The following PELI2 variants were observed in gnomAD, a reference collection of about 807,000 sequenced individuals.
The protein encoded by PELI2 is E3 ubiquitin-protein ligase pellino homolog 2.
Under a neutral mutation model 42.3 loss-of-function variants are expected in PELI2, and 23 were observed. The ratio of observed to expected loss-of-function variants is 0.54; its 90% confidence interval spans 0.39 to 0.77. The LOEUF (loss-of-function observed/expected upper bound fraction) is 0.77, where lower values mean the gene tolerates loss of function less well. Among genes scored for constraint, PELI2 ranks in the 30% least tolerant of loss-of-function variants. The probability of loss-of-function intolerance (pLI) is 0.00; values close to 1 mark genes in which losing one functional copy is unlikely to be tolerated. For synonymous variants in PELI2, 245 were observed against 212.2 expected (o/e 1.15, Z -1.34); for missense variants, 463 against 553.2 (o/e 0.84, Z 1.64).
intron 2 of PELI2, among the ~76,000 whole-genome samples, chr14:56,221,460 A>G (rs1257940149): frequency 1.3e-5 from 2 of 152,210 alleles, no homozygotes. Flanking sequence ...AGTGCTCAGG[A>G]ATAATTGTTT....
intron 2 of PELI2, among the ~76,000 whole-genome samples, chr14:56,246,512 G>A (rs113778954): frequency 0.016 from 2,384 of 152,062 alleles, 66 homozygotes; most frequent in African/African-American, 0.055. Context: ...TGGCCTCTCC[G>A]AGCCTCTGCA....
At chr14:56,295,911 C>T (rs1012359754) in intron 5 of PELI2, among the ~76,000 whole-genome samples, 1 of 152,232 alleles carries the variant, frequency 6.6e-6, no homozygotes. Context: ...GCCTTTGGTA[C>T]CTCCAAGGCT....
chr14:56,240,786 T>G (rs926806120), intron 2 of PELI2, among the ~76,000 whole-genome samples: 4 of 152,110 alleles, frequency 2.6e-5, no homozygotes, highest in African/African-American at 9.7e-5. Context: ...CAAGGCAGAG[T>G]AGCTGTGGGG....
chr14:56,263,024 T>C (rs1055933549), intron 2 of PELI2, among the ~76,000 whole-genome samples: 1 of 152,208 alleles, frequency 6.6e-6, no homozygotes, highest in African/African-American at 2.4e-5. Flanking sequence ...TGGCGTGATC[T>C]TGGCTCACTG....
intron 2 of PELI2, among the ~76,000 whole-genome samples, chr14:56,205,029 C>CAAA (rs35776509): frequency 3.3e-5 from 3 of 91,170 alleles, no homozygotes; most frequent in Non-Finnish European, 4.1e-5. Context: ...GACTCCCTGT[C>CAAA]AAAAAAAAAA....
intron 2 of PELI2, among the ~76,000 whole-genome samples, chr14:56,259,039 A>G (rs1384818390): frequency 2.6e-5 from 4 of 152,166 alleles, no homozygotes; most frequent in African/African-American, 7.2e-5. Context: ...TCAGAAGACC[A>G]TGGACCAACA....
At chr14:56,181,240 C>T (rs1885567196) in intron 2 of PELI2, among the ~76,000 whole-genome samples, 2 of 152,032 alleles carry the variant, frequency 1.3e-5, no homozygotes, top group Admixed American at 1.3e-4. Flanking sequence ...TTGGCCTCTC[C>T]AGGTATATCT....
At chr14:56,295,876 G>A (rs1416545055) in intron 5 of PELI2, among the ~76,000 whole-genome samples, 1 of 152,238 alleles carries the variant, frequency 6.6e-6, no homozygotes, top group Admixed American at 6.5e-5. Flanking sequence ...GCAAGTCTCA[G>A]CAGGATGGGG....
intron 3 of PELI2, among the ~76,000 whole-genome samples, chr14:56,280,719 G>A (rs1449700153): frequency 6.6e-6 from 1 of 152,084 alleles, no homozygotes; most frequent in East Asian, 1.9e-4. Context: ...TTGGAATAGG[G>A]AAGGATCAAT....
intron 2 of PELI2, among the ~76,000 whole-genome samples, chr14:56,211,265 G>T (rs1342096320): frequency 1.3e-5 from 2 of 152,152 alleles, no homozygotes; most frequent in Admixed American, 6.5e-5. Context: ...GTTGCTGGCT[G>T]GCTCAGGCCA....
intron 1 of PELI2, among the ~76,000 whole-genome samples, chr14:56,170,787 C>T (rs1346423822): frequency 6.6e-6 from 1 of 152,182 alleles, no homozygotes; most frequent in African/African-American, 2.4e-5. Flanking sequence ...TTATTCTTTG[C>T]AGCTCCCAAA....
chr14:56,166,342 A>C (rs2139648214), intron 1 of PELI2, among the ~76,000 whole-genome samples: 1 of 152,324 alleles, frequency 6.6e-6, no homozygotes, highest in East Asian at 1.9e-4. Flanking sequence ...ATGTCTTGAA[A>C]TGTTGATATA....
At chr14:56,251,749 G>A (rs192455844) in intron 2 of PELI2, among the ~76,000 whole-genome samples, 3 of 152,284 alleles carry the variant, frequency 2.0e-5, no homozygotes, top group Admixed American at 6.5e-5. Context: ...ATAAATGTTG[G>A]GGGACATTAC....
intron 2 of PELI2, among the ~76,000 whole-genome samples, chr14:56,185,661 A>G (rs933638570): frequency 5.9e-5 from 9 of 152,196 alleles, no homozygotes; most frequent in African/African-American, 1.9e-4. Context: ...TTGCTTCATT[A>G]TATCACAGTT....
intron 2 of PELI2, among the ~76,000 whole-genome samples, chr14:56,201,296 A>T (rs980706777): frequency 6.6e-6 from 1 of 152,234 alleles, no homozygotes; most frequent in Non-Finnish European, 1.5e-5. Flanking sequence ...AAAGATATAG[A>T]TAAAGATAAG....
At chr14:56,269,616 G>A (rs1230721111) in intron 2 of PELI2, among the ~76,000 whole-genome samples, 1 of 152,128 alleles carries the variant, frequency 6.6e-6, no homozygotes, top group Non-Finnish European at 1.5e-5. Context: ...ACCTTTCTGG[G>A]GACAAGGCCA....
Position 56,166,224 on chromosome 14 carries a change from A to G in PELI2, c.78-12111A>G, listed in dbSNP as rs145892275. On this transcript the variant is annotated intron_variant, in intron 1 of 5. Transcript: ENST00000267460. ...TAACCCAATAACAACCACTATTTGCATAAACAAACAAAAAGAAAACTAAGA... is the reference window on the plus strand; with the variant it reads ...TAACCCAATAACAACCACTATTTGCGTAAACAAACAAAAAGAAAACTAAGA... 8.6e-4 allele frequency among the ~76,000 whole-genome samples: 131 copies of G among 152,336 alleles called. 4 individuals are homozygous for G. In the East Asian group the frequency reaches 0.019, roughly 22 times the overall value.
At chr14:56,264,748 T>G (rs1246785135) in intron 2 of PELI2, among the ~76,000 whole-genome samples, 1 of 152,188 alleles carries the variant, frequency 6.6e-6, no homozygotes, top group Non-Finnish European at 1.5e-5. Flanking sequence ...TGAGGTATTT[T>G]TAAACAGAAA....
At chr14:56,293,042 G>T (rs1889883357) in intron 5 of PELI2, 1 of 154,746 alleles carries the variant, frequency 6.5e-6, no homozygotes. Context: ...CTATGGTCAG[G>T]CTCTAGCAGG....
Sources: allele counts gnomAD v4.1 joint callset (sites outside exome capture counted in the v4.1 genomes callset), GRCh38; gene constraint gnomAD v4.1.1; transcripts MANE v1.5; gene names NCBI Gene and HGNC (gene_info 2026-07-23, HGNC 2026-07-21).